The following SLC35F4 variants were observed in gnomAD, a reference collection of about 807,000 sequenced individuals.
The protein encoded by SLC35F4 is solute carrier family 35 member F4.
SLC35F4 carries 24 observed loss-of-function variants against 44.2 expected under a neutral mutation model. The ratio of observed to expected loss-of-function variants is 0.54; its 90% CI spans 0.39 to 0.76. The LOEUF (loss-of-function observed/expected upper bound fraction) is 0.76. Ranked by LOEUF, SLC35F4 falls within the 30% of genes least tolerant of loss-of-function variation. SLC35F4 has a pLI of 0.00. For missense variants in SLC35F4, 562 were observed against 586.1 expected, an observed-to-expected ratio of 0.96 and a Z score of 0.42; for synonymous variants, 238 against 223.6, an observed-to-expected ratio of 1.06 and a Z score of -0.57.
At chr14:57,644,467 T>TC (rs2073405780) in intron 1 of SLC35F4, among the ~76,000 whole-genome samples, 1 of 151,876 alleles carries the variant, frequency 6.6e-6, no homozygotes. Flanking sequence ...ATGGGTTTTT[T>TC]TTTTCCTTGT....
intron 1 of SLC35F4, among the ~76,000 whole-genome samples, chr14:57,875,347 G>A (rs1423199357): frequency 6.6e-6 from 1 of 152,074 alleles, no homozygotes; most frequent in East Asian, 1.9e-4. Flanking sequence ...TTACTACCAC[G>A]GCAGTAACGT....
chr14:57,870,019 G>A (rs1183961627), upstream of SLC35F4, among the ~76,000 whole-genome samples: 1 of 152,112 alleles, frequency 6.6e-6, no homozygotes, highest in Non-Finnish European at 1.5e-5. Context: ...CTGCATCCCA[G>A]GACTAATTTT....
chr14:57,960,249 A>G (rs1890314268), intron 1 of SLC35F4, among the ~76,000 whole-genome samples: 1 of 151,872 alleles, frequency 6.6e-6, no homozygotes, highest in Non-Finnish European at 1.5e-5. Flanking sequence ...CTCAGTGCCC[A>G]CAGATGCCCT....
intron 1 of SLC35F4, among the ~76,000 whole-genome samples, chr14:57,925,175 C>T (rs1244203993): frequency 6.6e-6 from 1 of 152,094 alleles, no homozygotes; most frequent in Non-Finnish European, 1.5e-5. Flanking sequence ...CCATAGGCCC[C>T]ACTTCCATTA....
chr14:57,787,084 A>G (rs1479793005), intron 1 of SLC35F4, among the ~76,000 whole-genome samples: 3 of 152,206 alleles, frequency 2.0e-5, no homozygotes, highest in Non-Finnish European at 2.9e-5. Flanking sequence ...AAAATTCGAG[A>G]AACTTTGGAT....
chr14:57,679,184 A>G, intron 1 of SLC35F4, among the ~76,000 whole-genome samples: 1 of 152,158 alleles, frequency 6.6e-6, no homozygotes, highest in South Asian at 2.1e-4. Flanking sequence ...CTCTCAGACC[A>G]CACTGCAATC....
At chr14:57,738,214 T>A (rs543556822) in intron 1 of SLC35F4, among the ~76,000 whole-genome samples, 24 of 152,132 alleles carry the variant, frequency 1.6e-4, no homozygotes, top group Non-Finnish European at 3.5e-4. Flanking sequence ...GCAAAAACTT[T>A]TGTTGAGTGT....
At chr14:57,703,867 C>A (rs1053656164) in intron 1 of SLC35F4, among the ~76,000 whole-genome samples, 2 of 152,080 alleles carry the variant, frequency 1.3e-5, no homozygotes, top group South Asian at 2.1e-4. Flanking sequence ...CCTTAAAGGG[C>A]GTAATTTTTT....
intron 1 of SLC35F4, among the ~76,000 whole-genome samples, chr14:57,738,722 C>G (rs2076526418): frequency 7.6e-6 from 1 of 132,054 alleles, no homozygotes; most frequent in Non-Finnish European, 1.6e-5. Flanking sequence ...CCATAGAAAG[C>G]CTTTATTTCA....
intron 1 of SLC35F4, among the ~76,000 whole-genome samples, chr14:57,890,439 T>A (rs1888736262): frequency 1.3e-5 from 2 of 152,196 alleles, no homozygotes; most frequent in South Asian, 4.1e-4. Context: ...GCAAGAAAAT[T>A]TCCATCAAAT....
At chr14:57,956,645 CTTCT>C (rs1339366200) in intron 1 of SLC35F4, among the ~76,000 whole-genome samples, 3 of 152,140 alleles carry the variant, frequency 2.0e-5, no homozygotes, top group Non-Finnish European at 4.4e-5. Flanking sequence ...ATAACAGACA[CTTCT>C]CAAAAGAAGA....
At chr14:57,808,736 G>A (rs1881633441) in intron 1 of SLC35F4, among the ~76,000 whole-genome samples, 1 of 152,172 alleles carries the variant, frequency 6.6e-6, no homozygotes, top group Non-Finnish European at 1.5e-5. Flanking sequence ...AGTCCAGGAG[G>A]TCAAGGCTGC....
At chr14:57,777,559 T>C (rs1417954185) in intron 1 of SLC35F4, among the ~76,000 whole-genome samples, 1 of 151,704 alleles carries the variant, frequency 6.6e-6, no homozygotes, top group African/African-American at 2.4e-5. Flanking sequence ...TTCTCACTCA[T>C]AGGTGGGAGC....
chr14:57,946,469 CTTT>C (rs71104596), intron 1 of SLC35F4, among the ~76,000 whole-genome samples: 668 of 78,194 alleles, frequency 8.5e-3, no homozygotes, highest in African/African-American at 0.035. Context: ...GTTTTCTTTT[CTTT>C]TTTTTTTTTT....
chr14:57,839,606 G>T (rs190201052), intron 1 of SLC35F4, among the ~76,000 whole-genome samples: 1 of 152,204 alleles, frequency 6.6e-6, no homozygotes, highest in Admixed American at 6.5e-5. Flanking sequence ...TCAGGGAGGC[G>T]GGGAGAGAGG....
At chr14:57,618,421 A>G (rs1267564449) in intron 1 of SLC35F4, among the ~76,000 whole-genome samples, 1 of 152,146 alleles carries the variant, frequency 6.6e-6, no homozygotes, top group East Asian at 1.9e-4. Flanking sequence ...GCCTCACCCA[A>G]GAAGCAGAAG....
intron 1 of SLC35F4, among the ~76,000 whole-genome samples, chr14:57,936,992 C>T (rs1199229867): frequency 6.6e-6 from 1 of 151,584 alleles, no homozygotes; most frequent in East Asian, 1.9e-4. Context: ...GAGAACTTTA[C>T]ACATGTTACA....
intron 1 of SLC35F4, among the ~76,000 whole-genome samples, chr14:57,680,893 T>C (rs1171295168): frequency 1.3e-5 from 2 of 152,080 alleles, no homozygotes; most frequent in Non-Finnish European, 2.9e-5. Flanking sequence ...TGGAAAAACA[T>C]TCCATGCTCA....
chr14:57,949,485 C>T (rs1890096270), intron 1 of SLC35F4, among the ~76,000 whole-genome samples: 1 of 152,054 alleles, frequency 6.6e-6, no homozygotes, highest in Non-Finnish European at 1.5e-5. Context: ...ATCCATTCTG[C>T]CATTCTGTAT....
Sources: allele counts gnomAD v4.1 joint callset (sites outside exome capture counted in the v4.1 genomes callset), GRCh38; gene constraint gnomAD v4.1.1; transcripts MANE v1.5; gene names NCBI Gene and HGNC (gene_info 2026-07-23, HGNC 2026-07-21).